GRIK1: variants seen among roughly 807,000 people sequenced by gnomAD.
The protein encoded by GRIK1 is glutamate receptor ionotropic, kainate 1.
A neutral mutation model predicts 105.7 loss-of-function variants in GRIK1; 69 were observed. The observed-to-expected ratio is 0.65, with a 90% CI of 0.54 to 0.80. The LOEUF is 0.80. Ranked by LOEUF, GRIK1 falls within the 30% of genes least tolerant of loss-of-function variation. The pLI, the probability that GRIK1 is intolerant of heterozygous loss-of-function variation, is 0.00. For synonymous variants in GRIK1, 438 were observed against 431.3 expected, an observed-to-expected ratio of 1.02 and a Z score of -0.19; for missense variants, 1,109 against 1,167.3, an observed-to-expected ratio of 0.95 and a Z score of 0.73.
chr21:29,553,206 C>T (rs892108941), intron 16 of GRIK1: 15 of 990,374 alleles, frequency 1.5e-5, no homozygotes, highest in South Asian at 4.7e-5. Flanking sequence ...GAATTAGCAT[C>T]GTGTTTCCAT....
chr21:29,939,286 T>G (rs2071886623), intron 1 of GRIK1, 97 bp downstream of exon 1: 2 of 725,162 alleles, frequency 2.8e-6, no homozygotes, highest in Admixed American at 2.3e-5. Context: ...CTCCGGCTCC[T>G]GCGCCGCCGC....
chr21:29,917,878 C>A (rs1378430546), intron 1 of GRIK1, among the ~76,000 whole-genome samples: 1 of 151,912 alleles, frequency 6.6e-6, no homozygotes, highest in African/African-American at 2.4e-5. Flanking sequence ...CTTCTCAAAC[C>A]ATTCAGACAA....
chr21:29,708,058 G>T (rs147542732), intron 1 of GRIK1, among the ~76,000 whole-genome samples: 1 of 152,154 alleles, frequency 6.6e-6, no homozygotes. Context: ...ATTATGTAAT[G>T]CTACAGGGAC....
At chr21:29,846,689 T>G (rs1295275090) in intron 1 of GRIK1, among the ~76,000 whole-genome samples, 1 of 138,068 alleles carries the variant, frequency 7.2e-6, no homozygotes, top group African/African-American at 2.9e-5. Context: ...ATCTGCACTC[T>G]GCTTAAAGAA....
At chr21:29,631,430 A>G (rs774944763) in intron 7 of GRIK1, among the ~76,000 whole-genome samples, 1 of 152,230 alleles carries the variant, frequency 6.6e-6, no homozygotes, top group Non-Finnish European at 1.5e-5. Flanking sequence ...TGGAAAGATA[A>G]CCATCTACAA....
At chr21:29,741,994 G>C (rs747348979) in intron 1 of GRIK1, among the ~76,000 whole-genome samples, 4 of 152,146 alleles carry the variant, frequency 2.6e-5, no homozygotes, top group African/African-American at 9.7e-5. Context: ...CATGGAGAAG[G>C]TACAATGGCC....
intron 16 of GRIK1, among the ~76,000 whole-genome samples, chr21:29,539,390 A>G (rs575541071): frequency 1.4e-3 from 212 of 152,300 alleles, no homozygotes; most frequent in African/African-American, 4.9e-3. Flanking sequence ...ATTTTATAAT[A>G]CAGTGTTGAC....
At chr21:29,633,574 G>C (rs1242308410) in intron 7 of GRIK1, among the ~76,000 whole-genome samples, 1 of 152,068 alleles carries the variant, frequency 6.6e-6, no homozygotes, top group Non-Finnish European at 1.5e-5. Flanking sequence ...CTCAGGTGCT[G>C]TGCTATTATA....
At chr21:29,745,274 C>T (rs965508202) in intron 1 of GRIK1, among the ~76,000 whole-genome samples, 4 of 152,206 alleles carry the variant, frequency 2.6e-5, no homozygotes, top group South Asian at 2.1e-4. Flanking sequence ...AACAACTGCA[C>T]GAGTAAACTC....
chr21:29,936,008 G>A (rs1053455006), intron 1 of GRIK1, among the ~76,000 whole-genome samples: 96 of 152,292 alleles, frequency 6.3e-4, no homozygotes, highest in African/African-American at 2.2e-3. Flanking sequence ...TTCATATTGA[G>A]CTCTTACCAA....
At chr21:29,660,757 T>C (rs1373962448) in intron 4 of GRIK1, among the ~76,000 whole-genome samples, 1 of 152,252 alleles carries the variant, frequency 6.6e-6, no homozygotes, top group Non-Finnish European at 1.5e-5. Context: ...TTTATAGCCT[T>C]TCTCAATATC....
intron 16 of GRIK1, among the ~76,000 whole-genome samples, chr21:29,539,603 G>A (rs1168913139): frequency 1.3e-5 from 2 of 152,182 alleles, no homozygotes; most frequent in Admixed American, 6.5e-5. Context: ...TAAAGCTTGT[G>A]TGTTGCTACT....
chr21:29,793,141 T>C (rs1389397348), intron 1 of GRIK1, among the ~76,000 whole-genome samples: 3 of 152,134 alleles, frequency 2.0e-5, no homozygotes, highest in African/African-American at 4.8e-5. Context: ...GGAAAATTCT[T>C]CTCTAATATG....
intron 7 of GRIK1, among the ~76,000 whole-genome samples, chr21:29,641,885 A>G (rs943259986): frequency 6.6e-6 from 1 of 152,182 alleles, no homozygotes; most frequent in Non-Finnish European, 1.5e-5. Flanking sequence ...ACGAGTCCAA[A>G]GCAGGTGTCT....
chr21:29,559,023 T>A lies in GRIK1; in HGVS notation c.2356+2601A>T, dbSNP rs889593866. On this transcript the variant is annotated intron_variant, in intron 15 of 17. Transcript: ENST00000327783. Reference sequence around the variant, plus strand: ...TTAAATCATTGTTAACAGACAGGAATTTTGGTGCCAAAAAGGGGTGTTGAA... The same window carrying A: ...TTAAATCATTGTTAACAGACAGGAAATTTGGTGCCAAAAAGGGGTGTTGAA... Among the ~76,000 whole-genome samples the A allele has an allele frequency of 1.3e-5, 2 of 152,210 alleles. 1 individual carries two copies. Among genetic ancestry groups the A allele is most frequent in the Non-Finnish European group, 2.9e-5 (2 of 68,026 alleles).
intron 16 of GRIK1, among the ~76,000 whole-genome samples, chr21:29,541,030 C>A (rs1263338629): frequency 6.7e-6 from 1 of 149,456 alleles, no homozygotes; most frequent in Non-Finnish European, 1.5e-5. Flanking sequence ...TGCAGTGGTG[C>A]CAACTTGGCT....
chr21:29,702,932 T>G (rs1259942254), intron 1 of GRIK1, among the ~76,000 whole-genome samples: 1 of 152,164 alleles, frequency 6.6e-6, no homozygotes, highest in Non-Finnish European at 1.5e-5. Context: ...CCACTGTTGG[T>G]GGTAATTTGT....
At chr21:29,735,237 G>T (rs2064760032) in intron 1 of GRIK1, among the ~76,000 whole-genome samples, 1 of 152,184 alleles carries the variant, frequency 6.6e-6, no homozygotes, top group Admixed American at 6.5e-5. Context: ...TTCATGCATG[G>T]ATCCTTATTA....
rs556123502 is a variant in GRIK1, at chr21:29,620,305, CT to C, written c.1099-21369del. Among the ~76,000 whole-genome samples the C allele has an allele frequency of 4.6e-5, 7 of 152,156 alleles. No homozygotes were observed. The South Asian group carries it at 1.5e-3, about 32-fold the overall frequency. On this transcript the variant is annotated intron_variant, in intron 7 of 17. Transcript: ENST00000327783. ...AACAGGTATTTCTTGCCTGAGTGGA[CT>C]TTTTCTTGCAGCAAATCACTAGGTG...
Sources: gnomAD v4.1 joint callset for allele counts (sites outside exome capture counted in the v4.1 genomes callset) on GRCh38, gnomAD v4.1.1 for gene constraint, MANE v1.5 for transcripts, NCBI Gene and HGNC (gene_info 2026-07-23, HGNC 2026-07-21) for gene names.